ASCC2: variants seen among roughly 807,000 people sequenced by gnomAD.
ASCC2 encodes activating signal cointegrator 1 complex subunit 2.
A neutral mutation model predicts 93.5 loss-of-function variants in ASCC2; 42 were observed. That is an observed-to-expected ratio of 0.45 (90% CI 0.35 to 0.58). The LOEUF is 0.58. ASCC2 is among the 20% of genes least tolerant of loss of function. The probability of loss-of-function intolerance (pLI) is 0.00; values close to 1 mark genes in which losing one functional copy is unlikely to be tolerated. For synonymous variants in ASCC2, 364 were observed against 384.2 expected, an observed-to-expected ratio of 0.95 and a Z score of 0.62; for missense variants, 859 against 977.6, an observed-to-expected ratio of 0.88 and a Z score of 1.62.
In ASCC2 at chr22:29,802,158, C is replaced by T. The variant is rs773561659; in HGVS notation, c.1404G>A (p.Leu468=). 8.0e-5 allele frequency: 129 copies of T among 1,614,116 alleles called. No homozygotes were observed. The highest frequency in any genetic ancestry group is 1.0e-4 in the Non-Finnish European group (121 of 1,180,050). ...CCTTCACTTGGGAGATGAGAGAGTC[C>T]AGTTCCACCCCACACATGGCAGGGC... ...AVGPAMCGVE[L]DSLISQVKDL... is the part of the protein sequence containing the mutation. The change falls in exon 14 of 20, where the codon CTG becomes CTA. Residue 468 remains leucine (L), a synonymous_variant. Coordinates refer to ENST00000307790, the MANE Select transcript of ASCC2 (RefSeq NM_032204.5).
At chr22:29,824,771 A>C (rs1312280229) in intron 4 of ASCC2, among the ~76,000 whole-genome samples, 1 of 152,194 alleles carries the variant, frequency 6.6e-6, no homozygotes, top group African/African-American at 2.4e-5. Context: ...GATTTTTAAA[A>C]AGAGTACACA....
chr22:29,803,312 A>C (rs541274104), intron 13 of ASCC2, among the ~76,000 whole-genome samples: 2 of 152,184 alleles, frequency 1.3e-5, no homozygotes, highest in African/African-American at 4.8e-5. Flanking sequence ...AAATTAAATT[A>C]AATTAAAATT....
chr22:29,815,223 G>A (rs1471601467), intron 6 of ASCC2: 1 of 175,246 alleles, frequency 5.7e-6, no homozygotes, highest in Non-Finnish European at 1.2e-5. Context: ...ACTGAGCCCA[G>A]GAGTTCAAGG....
rs1602233120 is a variant in ASCC2 at position 29,827,972 on chromosome 22, CA to C, written c.82-2193del. ...TGACACACACACACACACACACACA[CA>C]CACACACCCCTGAGATTCTACTTTC... is the stretch of plus-strand genomic sequence containing the variant. On this transcript the variant is annotated intron_variant, in intron 2 of 19. Transcript: ENST00000307790. 5.9e-5 allele frequency among the ~76,000 whole-genome samples: 9 copies of C among 151,876 alleles called. 2 individuals carry two copies. In the East Asian group the frequency reaches 1.2e-3, roughly 20 times the overall value.
chr22:29,825,752 A>G lies in ASCC2; in HGVS notation c.110T>C (p.Phe37Ser). The change falls in exon 3 of 20, where the codon TTT (phenylalanine) becomes TCT (serine). Residue 37 changes from phenylalanine (F) to serine (S), a missense_variant. Physicochemically the swap from Phe to Ser is radical, Grantham distance 155 (BLOSUM62 -2). Transcript: ENST00000307790. The surrounding 1 kb of genome is among the most constrained non-coding windows in gnomAD (Gnocchi z 4.9). ...TTTAGGGGGCGGTTTGTATAACACA[A>G]AATACCGGTCTGCCTTCTGCTCGGG... Reference protein sequence around the residue: ...LHPEQKADRYFVLYKPPPKDN... With the variant: ...LHPEQKADRYSVLYKPPPKDN... The G allele has an allele frequency of 6.2e-7, 1 of 1,612,500 alleles. No homozygotes were observed. The highest frequency in any genetic ancestry group is 8.5e-7 in the Non-Finnish European group (1 of 1,178,700).
intron 15 of ASCC2, among the ~76,000 whole-genome samples, chr22:29,799,515 A>C (rs1348250681): frequency 6.6e-6 from 1 of 152,184 alleles, no homozygotes; most frequent in East Asian, 1.9e-4. Flanking sequence ...CTAACTGAAG[A>C]AGCAGCTGGC....
Position 29,796,087 on chromosome 22 carries a change from C to T in ASCC2, c.1689-2411G>A, listed in dbSNP as rs572167290. 4.6e-5 allele frequency among the ~76,000 whole-genome samples: 7 copies of T among 151,224 alleles called. No individual in the cohort carries two copies. In the South Asian group the frequency reaches 8.3e-4, roughly 18 times the overall value. On this transcript the variant is annotated intron_variant, in intron 15 of 19. Transcript: ENST00000307790. The stretch of plus-strand genomic sequence containing the variant: ...GTCAGGACTGCAGCCTTCAGCATGG[C>T]GGGCTAGGGTTTGCCTCCCTTCACA...
At chr22:29,819,005 C>T (rs2061233626) in intron 5 of ASCC2, among the ~76,000 whole-genome samples, 1 of 152,196 alleles carries the variant, frequency 6.6e-6, no homozygotes, top group South Asian at 2.1e-4. Flanking sequence ...TCCCCACCTG[C>T]ATGTGGCCAG....
intron 8 of ASCC2, among the ~76,000 whole-genome samples, chr22:29,811,981 C>T (rs2034730449): frequency 6.6e-6 from 1 of 152,024 alleles, no homozygotes; most frequent in Admixed American, 6.6e-5. Context: ...GAAAAGATAC[C>T]TTTTTAAAAA....
intron 12 of ASCC2, among the ~76,000 whole-genome samples, chr22:29,805,245 G>A (rs1019264050): frequency 6.6e-6 from 1 of 152,238 alleles, no homozygotes; most frequent in South Asian, 2.1e-4. Flanking sequence ...AAGCAGGACT[G>A]AGCAATCTAC....
chr22:29,790,479 C>T lies in ASCC2; in HGVS notation c.2092G>A (p.Ala698Thr), dbSNP rs761002921. The T allele has an allele frequency of 2.4e-5, 38 of 1,613,952 alleles. No homozygotes were observed. Among genetic ancestry groups the T allele is most frequent in the Admixed American group, 2.3e-4 (14 of 60,008 alleles). ...CCCTTGAATGCTCACCCTTTCTTGG[C>T]GAGAAAGGCCATGCGCCTGGCTTCT... ...KAEARRMAFL[A>T]KKGYRHDSST... The change falls in exon 19 of 20, where the codon GCC becomes ACC. Residue 698 changes from alanine (A) to threonine (T), a missense_variant. Ala to Thr is a moderately conservative substitution (Grantham distance 58). Transcript: ENST00000307790.
intron 2 of ASCC2, among the ~76,000 whole-genome samples, chr22:29,826,663 CT>C (rs2062376984): frequency 6.6e-6 from 1 of 152,116 alleles, no homozygotes; most frequent in Non-Finnish European, 1.5e-5. Context: ...ACACAAGCAT[CT>C]TTTCTTTCAA....
In ASCC2 at chr22:29,793,585, C is replaced by A; in HGVS notation, c.1780G>T (p.Val594Leu). The stretch of plus-strand genomic sequence containing the variant: ...TGGCCTTGGTGGCCTACCTCCTCCA[C>A]CACCACGCTGTACTGCTCGTAGCGC... The part of the protein sequence containing the change: ...RQRYEQYSVV[V>L]EEVPLQPGES... The change falls in exon 16 of 20, where the codon GTG becomes TTG. Residue 594 changes from valine to leucine, a missense_variant. Transcript: ENST00000307790. 1 of 1,612,742 alleles carries A rather than the reference C, an allele frequency of 6.2e-7. No individual in the cohort carries two copies. The highest frequency in any genetic ancestry group is 1.1e-5 in the South Asian group (1 of 90,924).
Position 29,825,252 on chromosome 22 carries a change from G to T in ASCC2, c.246C>A (p.Ile82=). Residue 82 remains isoleucine (I), a synonymous_variant, in exon 4 of 20, where the codon ATC becomes ATA. Coordinates refer to ENST00000307790, the MANE Select transcript of ASCC2 (RefSeq NM_032204.5). This position sits in a 1 kb window ranked among gnomAD's most constrained non-coding sequence, Gnocchi z 4.9. ...LPHDKFWCQV[I]FDETLQKCLD... Reference sequence around the variant, plus strand: ...GGCACTTCTGTAGAGTCTCGTCAAAGATCACCTAAACCAGGAGACAGAGGA... The same window carrying T: ...GGCACTTCTGTAGAGTCTCGTCAAATATCACCTAAACCAGGAGACAGAGGA... 6.6e-7 allele frequency: 1 copy of T among 1,515,218 alleles called. No individual in the cohort carries two copies. The highest frequency in any genetic ancestry group is 8.8e-7 in the Non-Finnish European group (1 of 1,132,786). 93.9% of individuals were successfully genotyped at this position (1,515,218 alleles called of 1,614,324 possible).
chr22:29,833,969 GGCTT>G (rs1334797223), intron 1 of ASCC2: 1 of 176,162 alleles, frequency 5.7e-6, no homozygotes, highest in African/African-American at 2.4e-5. Flanking sequence ...CGCCCATCTT[GGCTT>G]CCCAAAGTGC....
chr22:29,811,717 C>T (rs924927067), intron 8 of ASCC2, among the ~76,000 whole-genome samples: 1 of 152,202 alleles, frequency 6.6e-6, no homozygotes, highest in African/African-American at 2.4e-5. Context: ...TAGCTTCTCC[C>T]CTGCCTCTGC....
chr22:29,802,643 T>G (rs1280577543), intron 13 of ASCC2, among the ~76,000 whole-genome samples: 1 of 150,258 alleles, frequency 6.7e-6, no homozygotes, highest in African/African-American at 2.5e-5. Context: ...TTCAAAAAAT[T>G]TAAAAAAGTA....
At chr22:29,827,568 T>A (rs2062527344) in intron 2 of ASCC2, 1 of 470,846 alleles carries the variant, frequency 2.1e-6, no homozygotes, top group African/African-American at 2.0e-5. Context: ...CCCATTTAAA[T>A]CAAATTTGTA....
At chr22:29,797,283 G>T (rs539425108) in intron 15 of ASCC2, among the ~76,000 whole-genome samples, 1 of 152,100 alleles carries the variant, frequency 6.6e-6, no homozygotes, top group Non-Finnish European at 1.5e-5. Context: ...CTGAAACCTC[G>T]CCACCTTTCC....
Sources: allele counts gnomAD v4.1 joint callset (sites outside exome capture counted in the v4.1 genomes callset), GRCh38; gene constraint gnomAD v4.1.1; non-coding constraint Gnocchi (gnomAD v3.1); transcripts MANE v1.5; gene names NCBI Gene and HGNC (gene_info 2026-07-23, HGNC 2026-07-21).